Variants in TRIM14 observed in about 807,000 individuals in gnomAD.
TRIM14 encodes tripartite motif containing 14, also known as tripartite motif-containing protein 14.
Under a neutral mutation model 44.5 loss-of-function variants are expected in TRIM14, and 28 were observed. That is an observed-to-expected ratio of 0.63 (90% CI 0.47 to 0.86). TRIM14 has a LOEUF of 0.86. Among genes scored for constraint, TRIM14 ranks in the 40% least tolerant of loss-of-function variants. The pLI is 0.00. For missense variants in TRIM14, 607 were observed against 611.1 expected (o/e 0.99, Z 0.07); for synonymous variants, 299 against 269.2 (o/e 1.11, Z -1.08).
chr9:98,057,922 G>GTTTTTTTTTTTTTTTT, the TRIM14 span, among the ~76,000 whole-genome samples: 5 of 78,084 alleles, frequency 6.4e-5, no homozygotes, highest in African/African-American at 1.1e-4. Context: ...TTTTTTCCTG[G>GTTTTTTTTTTTTTTTT]TTTTTTTTTT....
At chr9:98,076,701 C>A (rs957228179) in intron 6 of TRIM14, 1 of 526,316 alleles carries the variant, frequency 1.9e-6, no homozygotes, top group Admixed American at 3.8e-5. Flanking sequence ...AAGACCAGCA[C>A]CAAACGTTTG....
At chr9:98,043,617 A>G in the TRIM14 span, among the ~76,000 whole-genome samples, 102 of 140,940 alleles carry the variant, frequency 7.2e-4, 1 homozygote, top group African/African-American at 2.7e-3. Flanking sequence ...GAAATCTATC[A>G]TAAAGGAAAT....
chr9:98,039,501 T>C, the TRIM14 span, among the ~76,000 whole-genome samples: 1 of 152,184 alleles, frequency 6.6e-6, no homozygotes, highest in Non-Finnish European at 1.5e-5. Flanking sequence ...GGGCTCTAGA[T>C]TGCCTTTGTA....
At chr9:98,118,735 C>A (rs1025774949) in intron 1 of TRIM14, among the ~76,000 whole-genome samples, 2 of 152,180 alleles carry the variant, frequency 1.3e-5, no homozygotes, top group Non-Finnish European at 2.9e-5. Flanking sequence ...GGGCTCCCAA[C>A]CTCTCACTCC....
the TRIM14 span, among the ~76,000 whole-genome samples, chr9:98,053,197 T>C: frequency 6.6e-6 from 1 of 152,216 alleles, no homozygotes; most frequent in Non-Finnish European, 1.5e-5. Context: ...TTAAGCACTT[T>C]CTATTGCTCT....
intron 2 of TRIM14, among the ~76,000 whole-genome samples, chr9:98,105,977 G>T (rs1826596154): frequency 6.6e-6 from 1 of 152,160 alleles, no homozygotes; most frequent in Non-Finnish European, 1.5e-5. Flanking sequence ...CATTAAGCAG[G>T]GTTGGAGTCC....
downstream of TRIM14, among the ~76,000 whole-genome samples, chr9:98,065,480 C>G (rs1401847525): frequency 1.4e-5 from 1 of 70,850 alleles, no homozygotes; most frequent in Non-Finnish European, 2.4e-5. Flanking sequence ...CCATGCCCAG[C>G]TAATTTTTTT....
rs111627567 is a variant in TRIM14, at chr9:98,071,235, C to T, written c.*29-1548G>A. On this transcript the variant is annotated intron_variant, in intron 6 of 6. Transcript: ENST00000375098. ...TATGATGGCACGACTGTATGGTACACACCTCAGCTGTATGGTACATACCCC... is the reference window on the plus strand; with the variant it reads ...TATGATGGCACGACTGTATGGTACATACCTCAGCTGTATGGTACATACCCC... Among the ~76,000 whole-genome samples, 862 of 152,328 alleles carry T rather than the reference C, an allele frequency of 5.7e-3. 5 individuals are homozygous for T. The highest frequency in any genetic ancestry group is 0.019 in the African/African-American group (775 of 41,576).
At position 98,093,734 on chromosome 9, in the gene TRIM14, T is replaced by TTTATTA. The variant is rs10624964; in HGVS notation, c.700+1127_700+1132dup. ...TTTCCTGTCTTCCATCCTGCCCTGG[T>TTTATTA]TTATTATTATTATTATTATTGTTAT... On this transcript the variant is annotated intron_variant, in intron 4 of 5. Coordinates refer to ENST00000341469, the MANE Select transcript of TRIM14 (RefSeq NM_014788.4). Among the ~76,000 whole-genome samples, 71 of 150,672 alleles carry TTTATTA rather than the reference T, an allele frequency of 4.7e-4. 1 individual carries two copies. Among genetic ancestry groups the TTTATTA allele is most frequent in the African/African-American group, 8.6e-4 (35 of 40,778 alleles).
downstream of TRIM14, among the ~76,000 whole-genome samples, chr9:98,068,677 G>C (rs929678225): frequency 2.4e-4 from 36 of 151,050 alleles, no homozygotes; most frequent in African/African-American, 8.3e-4. Context: ...GCCAGGCATT[G>C]TGGTGTGTGC....
chr9:98,119,139 A>T lies in TRIM14; in HGVS notation c.50T>A (p.Val17Asp), dbSNP rs925879009. Residue 17 changes from valine (V) to aspartate (D), a missense_variant, in exon 1 of 6, where the codon GTC becomes GAC. Physicochemically the swap from Val to Asp is radical, Grantham distance 152. Coordinates refer to ENST00000341469, the MANE Select transcript of TRIM14 (RefSeq NM_014788.4). ...GSRTPGRSEL[V>D]EGCGWRCPEH... Reference sequence around the variant, plus strand: ...CGGGCAGCGCCAGCCGCATCCCTCGACAAGCTCCGACCTCCCAGGGGTCCG... The same window carrying T: ...CGGGCAGCGCCAGCCGCATCCCTCGTCAAGCTCCGACCTCCCAGGGGTCCG... 6.3e-7 allele frequency: 1 copy of T among 1,586,364 alleles called. No individual in the cohort carries two copies. Among genetic ancestry groups the T allele is most frequent in the Non-Finnish European group, 8.5e-7 (1 of 1,175,630 alleles).
the TRIM14 span, among the ~76,000 whole-genome samples, chr9:98,058,213 G>A: frequency 1.3e-5 from 2 of 152,002 alleles, no homozygotes; most frequent in Middle Eastern, 3.2e-3. Flanking sequence ...CACCACCCTC[G>A]GCCCTTGCTG....
chr9:98,094,771 A>C, intron 4 of TRIM14, 96 bp downstream of exon 4: 2 of 1,435,738 alleles, frequency 1.4e-6, no homozygotes, highest in Non-Finnish European at 9.5e-7. Context: ...TCAGTGTGGG[A>C]GAGACAGGAT....
chr9:98,057,155 C>G, the TRIM14 span, among the ~76,000 whole-genome samples: 1 of 152,370 alleles, frequency 6.6e-6, no homozygotes, highest in East Asian at 1.9e-4. Flanking sequence ...CCTCCTAACC[C>G]GACCTGTTTC....
intron 6 of TRIM14, among the ~76,000 whole-genome samples, chr9:98,074,343 C>T (rs1231754793): frequency 1.3e-5 from 2 of 152,022 alleles, no homozygotes; most frequent in Non-Finnish European, 2.9e-5. Context: ...CTGAGGCTGC[C>T]GGGCTGCATG....
chr9:98,037,892 T>C, the TRIM14 span, among the ~76,000 whole-genome samples: 1 of 152,162 alleles, frequency 6.6e-6, no homozygotes, highest in Non-Finnish European at 1.5e-5. Context: ...GTTTAATATG[T>C]TGTTATTACT....
In TRIM14 at chr9:98,087,847, C is replaced by A; in HGVS notation, c.952G>T (p.Ala318Ser). The A allele has an allele frequency of 6.5e-7, 1 of 1,549,040 alleles. No individual in the cohort carries two copies. The highest frequency in any genetic ancestry group is 8.6e-7 in the Non-Finnish European group (1 of 1,159,342). ...LWQVLARDCF[A>S]TGRHYWEVDV... Reference sequence around the variant, plus strand: ...ACCTCCCAGTAGTGGCGGCCGGTGGCGAAGCAGTCACGAGCCAGCACTTGC... The same window carrying A: ...ACCTCCCAGTAGTGGCGGCCGGTGGAGAAGCAGTCACGAGCCAGCACTTGC... Residue 318 changes from alanine to serine, a missense_variant, in exon 6 of 6, where the codon GCC (alanine) becomes TCC (serine). Coordinates refer to ENST00000341469, the MANE Select transcript of TRIM14 (RefSeq NM_014788.4).
At chr9:98,117,070 C>T (rs1564193116) in intron 1 of TRIM14, among the ~76,000 whole-genome samples, 1 of 152,046 alleles carries the variant, frequency 6.6e-6, no homozygotes, top group Non-Finnish European at 1.5e-5. Context: ...TAGATTCCAG[C>T]CCTGGCCATT....
intron 1 of TRIM14, among the ~76,000 whole-genome samples, chr9:98,117,269 TTC>T (rs906010049): frequency 4.7e-5 from 7 of 149,822 alleles, no homozygotes; most frequent in Admixed American, 1.3e-4. Context: ...GCCATAGAGA[TTC>T]TCTGTTTTAT....
Sources: gnomAD v4.1 joint callset for allele counts (sites outside exome capture counted in the v4.1 genomes callset) on GRCh38, gnomAD v4.1.1 for gene constraint, MANE v1.5 for transcripts, NCBI Gene and HGNC (gene_info 2026-07-23, HGNC 2026-07-21) for gene names.